The following FGA variants were observed in gnomAD, a reference collection of about 807,000 sequenced individuals.
The protein encoded by FGA is fibrinogen alpha chain, also known as fibrinogen, A alpha polypeptide.
In FGA, 20 loss-of-function variants were observed where a neutral mutation model predicts 20.3. The ratio of observed to expected loss-of-function variants is 0.99; its 90% confidence interval spans 0.69 to 1.43. FGA has a LOEUF of 1.43. Ranked by LOEUF, FGA falls within the 40% of genes most tolerant of loss-of-function variation. FGA has a pLI of 0.00. For missense variants in FGA, 777 were observed against 784.7 expected, an observed-to-expected ratio of 0.99 and a Z score of 0.12; for synonymous variants, 306 against 281.6, an observed-to-expected ratio of 1.09 and a Z score of -0.87.
At chr4:154,587,808 AAAAG>A (rs1553964361) in intron 3 of FGA, 151 bp from the exon 4 acceptor site, 3 of 675,860 alleles carry the variant, frequency 4.4e-6, no homozygotes, top group Non-Finnish European at 7.2e-6. Context: ...AGAAAGAGAA[AAAAG>A]AAAGAAAGAA....
At position 154,586,202 on chromosome 4, in the gene FGA, G is replaced by T; in HGVS notation, c.1227C>A (p.Asp409Glu). Residue 409 changes from aspartate (D) to glutamate (E), a missense_variant, in exon 5 of 5, where the codon GAC becomes GAA. Physicochemically the swap from Asp to Glu is conservative, Grantham distance 45. Coordinates refer to ENST00000403106, the MANE Select transcript of FGA (RefSeq NM_021871.4). Reference protein sequence around the residue: ...GSGNARPNNPDWGTFEEVSGN... With the variant: ...GSGNARPNNPEWGTFEEVSGN... ...CTGACACCTCTTCAAATGTGCCCCA[G>T]TCTGGGTTGTTAGGCCTCGCGTTCC... The T allele has an allele frequency of 6.2e-7, 1 of 1,614,124 alleles. No homozygotes were observed. The highest frequency in any genetic ancestry group is 8.5e-7 in the Non-Finnish European group (1 of 1,180,022).
chr4:154,587,799 G>GAAAGAAAGAA (rs1730774695), intron 3 of FGA, 142 bp from the exon 4 acceptor site: 6 of 682,762 alleles, frequency 8.8e-6, no homozygotes, highest in East Asian at 2.9e-5. Flanking sequence ...AAGAAAGAAA[G>GAAAGAAAGAA]AAAGAGAAAA....
Position 154,585,825 on chromosome 4 carries a change from G to A in FGA, c.1604C>T (p.Pro535Leu). The stretch of plus-strand genomic sequence containing the variant: ...CTCACTGACAAACTCTCCTAACATA[G>A]GTGAGAAGAAACCTGGGAATGTTTT... ...TGKTFPGFFS[P>L]MLGEFVSETE... Residue 535 changes from proline (P) to leucine (L), a missense_variant, in exon 5 of 5, where the codon CCT becomes CTT. Pro to Leu is a moderately conservative substitution (Grantham distance 98). Coordinates refer to ENST00000403106, the MANE Select transcript of FGA (RefSeq NM_021871.4). The A allele has an allele frequency of 6.2e-7, 1 of 1,614,130 alleles. No homozygotes were observed. Among genetic ancestry groups the A allele is most frequent in the Non-Finnish European group, 8.5e-7 (1 of 1,180,024 alleles).
At chr4:154,587,486 A>T (rs1454192796) in intron 4 of FGA, 26 bp downstream of exon 4, 1 of 1,611,738 alleles carries the variant, frequency 6.2e-7, no homozygotes, top group Non-Finnish European at 8.5e-7. Context: ...AAACAAGGAC[A>T]TCTGGGACCA....
intron 2 of FGA, 132 bp downstream of exon 2, chr4:154,589,301 TTTTC>T: frequency 3.8e-6 from 4 of 1,063,878 alleles, no homozygotes; most frequent in Non-Finnish European, 5.6e-6. Context: ...AGTAGGTTCC[TTTTC>T]TTTATTTGCT....
chr4:154,587,645 GT>G lies in FGA; in HGVS notation c.376del (p.Thr126ProfsTer9). On this transcript the variant is annotated frameshift_variant, in exon 4 of 5. Coordinates refer to ENST00000403106, the MANE Select transcript of FGA (RefSeq NM_021871.4). LOFTEE classifies it high-confidence loss of function. ...DFSSANNRDN[T>X]YNRVSEDLRS... ...CAGATCCTCTGACACTCGGTTGTAG[GT>G]ATTATCACGGTCTGAAATCGAAAAT... is the stretch of plus-strand genomic sequence containing the variant. 1 of 1,613,752 alleles carries G rather than the reference GT, an allele frequency of 6.2e-7. No homozygotes were observed. The highest frequency in any genetic ancestry group is 8.5e-7 in the Non-Finnish European group (1 of 1,179,914).
At chr4:154,584,550 C>T, downstream of FGA, 1 of 1,614,158 alleles carries the variant, frequency 6.2e-7, no homozygotes, top group Non-Finnish European at 8.5e-7. Context: ...CTAATTCAAC[C>T]CTAAGAACAG....
At position 154,586,510 on chromosome 4, in the gene FGA, T is replaced by C. The variant is rs750564329; in HGVS notation, c.919A>G (p.Asn307Asp). ...SGSSGPGSTG[N>D]RNPGSSGTGG... ...GTCCCAGAGCTCCCAGGGTTTCGGTTTCCAGTACTTCCAGGTCCAGAGCTC... is the reference window on the plus strand; with the variant it reads ...GTCCCAGAGCTCCCAGGGTTTCGGTCTCCAGTACTTCCAGGTCCAGAGCTC... The change falls in exon 5 of 5, where the codon AAC becomes GAC. Residue 307 changes from asparagine to aspartate, a missense_variant. Physicochemically the swap from Asn to Asp is conservative, Grantham distance 23. Coordinates refer to ENST00000403106, the MANE Select transcript of FGA (RefSeq NM_021871.4). 6.2e-6 allele frequency: 10 copies of C among 1,613,958 alleles called. No homozygotes were observed. In the Admixed American group the frequency reaches 1.7e-4, roughly 27 times the overall value.
rs1332831124 is a variant in FGA, at chr4:154,586,426, T to G, written c.1003A>C (p.Asn335His). 2 of 1,611,478 alleles carry G rather than the reference T, an allele frequency of 1.2e-6. No homozygotes were observed. Among genetic ancestry groups the G allele is most frequent in the East Asian group, 2.2e-5 (1 of 44,610 alleles). ...SSGPGSTGSW[N>H]SGSSGTGSTG... ...CTTCCAGTTCCAGAGCTCCCAGAGT[T>G]CCAGCTTCCAGTACTTCCAGGTCCA... The change falls in exon 5 of 5, where the codon AAC becomes CAC. Residue 335 changes from asparagine to histidine, a missense_variant. Asn to His is a moderately conservative substitution (Grantham distance 68). Coordinates refer to ENST00000403106, the MANE Select transcript of FGA (RefSeq NM_021871.4).
At chr4:154,590,286 T>A (rs1388393055) in intron 1 of FGA, among the ~76,000 whole-genome samples, 1 of 152,238 alleles carries the variant, frequency 6.6e-6, no homozygotes, top group Admixed American at 6.5e-5. Context: ...AAATGTTTTA[T>A]TCCATTAACT....
At chr4:154,589,910 T>G (rs929819550) in intron 1 of FGA, among the ~76,000 whole-genome samples, 1 of 152,222 alleles carries the variant, frequency 6.6e-6, no homozygotes, top group African/African-American at 2.4e-5. Context: ...CTTTTCATTT[T>G]TACTAATGAC....
chr4:154,584,141 G>T (rs1281755152), downstream of FGA: 11 of 1,296,262 alleles, frequency 8.5e-6, no homozygotes, highest in Non-Finnish European at 1.0e-5. Flanking sequence ...GTCACAAGGG[G>T]CCTAATTTTC....
chr4:154,585,199 G>C (rs996573179), downstream of FGA: 2 of 1,292,142 alleles, frequency 1.5e-6, no homozygotes, highest in African/African-American at 3.0e-5. Flanking sequence ...AATCAGTTGG[G>C]TGACAATTCT....
At position 154,586,920 on chromosome 4, in the gene FGA, T is replaced by A. The variant is rs1480296914; in HGVS notation, c.511-2A>T. ...TCGGATCTTAATATCAATGTCCACC[T>A]AGAGAGAGGGGAGAAAAATAAAGAG... On this transcript the variant is annotated splice_acceptor_variant, in intron 4 of 4. Coordinates refer to ENST00000403106, the MANE Select transcript of FGA (RefSeq NM_021871.4). LOFTEE classifies it high-confidence loss of function. The A allele has an allele frequency of 6.2e-7, 1 of 1,612,850 alleles. No homozygotes were observed. Among genetic ancestry groups the A allele is most frequent in the African/African-American group, 1.3e-5 (1 of 74,876 alleles).
At position 154,590,636 on chromosome 4, in the gene FGA, A is replaced by C. The variant is rs752060003; in HGVS notation, c.52T>G (p.Trp18Gly). Residue 18 changes from tryptophan to glycine, a missense_variant and splice_region_variant, in exon 1 of 5, where the codon TGG becomes GGG. Trp to Gly is a radical substitution (Grantham distance 184, BLOSUM62 -2). Transcript: ENST00000403106. ...AGAAAAAATGAAAAGGGCCATACCC[A>C]TGCTGTGCCCACCACACTTAGGACC... ...CLVLSVVGTA[W>G]TADSGEGDFL... 9 of 1,556,736 alleles carry C rather than the reference A, an allele frequency of 5.8e-6. No individual in the cohort carries two copies. Among genetic ancestry groups the C allele is most frequent in the Non-Finnish European group, 6.1e-6 (7 of 1,149,378 alleles).
rs1730817582 is a variant in FGA, at chr4:154,589,445, C to T, written c.172G>A (p.Glu58Lys). ...CCCCGCTGACTGCTTACCCAGTCTT[C>T]ATCAGAGCAGAAGGGCCAGTCTGAA... is the stretch of plus-strand genomic sequence containing the variant. ...KDSDWPFCSD[E>K]DWNYKCPSGC... The change falls in exon 2 of 5, where the codon GAA becomes AAA. Residue 58 changes from glutamate to lysine, a missense_variant. Coordinates refer to ENST00000403106, the MANE Select transcript of FGA (RefSeq NM_021871.4). The T allele has an allele frequency of 6.8e-6, 11 of 1,613,928 alleles. No homozygotes were observed.
chr4:154,584,896 C>T (rs2070021), downstream of FGA: 4,990 of 1,232,270 alleles, frequency 4.0e-3, 16 homozygotes, highest in Non-Finnish European at 5.2e-3. Flanking sequence ...AAGATAGGCA[C>T]GGCTCAGATT....
rs149605794 is a variant in FGA, at chr4:154,587,801, AAG to A, written c.365-146_365-145del. On this transcript the variant is annotated intron_variant, in intron 3 of 4. Transcript: ENST00000403106. ...AAAGAAAGAAAGAAAGAAAGAAAGAAAGAGAAAAAAGAAAGAAAGAAACTAGC... is the reference window on the plus strand; with the variant it reads ...AAAGAAAGAAAGAAAGAAAGAAAGAAAGAAAAAAGAAAGAAAGAAACTAGC... 1,406 of 693,168 alleles carry A rather than the reference AAG, an allele frequency of 2.0e-3. 17 individuals are homozygous for A. The highest frequency in any genetic ancestry group is 4.7e-3 in the South Asian group (267 of 57,364). 42.9% of individuals were successfully genotyped at this position (693,168 alleles called of 1,614,324 possible). A position where few individuals can be genotyped will look rare whatever the true frequency, so the allele number is the denominator to read the frequency against.
At chr4:154,587,776 A>AAAGG (rs1730770577) in intron 3 of FGA, 119 bp from the exon 4 acceptor site, 1 of 701,212 alleles carries the variant, frequency 1.4e-6, no homozygotes. Flanking sequence ...AGAAAGAAAG[A>AAAGG]AAGAAAGAAA....
Sources: gnomAD v4.1 joint callset for allele counts (sites outside exome capture counted in the v4.1 genomes callset) on GRCh38, gnomAD v4.1.1 for gene constraint, MANE v1.5 for transcripts, NCBI Gene and HGNC (gene_info 2026-07-23, HGNC 2026-07-21) for gene names.